The following ASTN2 variants were observed in gnomAD, a reference collection of about 807,000 sequenced individuals.
ASTN2 encodes the protein astrotactin-2.
ASTN2 carries 54 observed loss-of-function variants against 139.8 expected under a neutral mutation model. The ratio of observed to expected loss-of-function variants is 0.39; its 90% CI spans 0.31 to 0.48. The LOEUF is 0.48. Among genes scored for constraint, ASTN2 ranks in the 20% least tolerant of loss-of-function variants. The pLI, the probability that ASTN2 is intolerant of heterozygous loss-of-function variation, is 0.95. For synonymous variants in ASTN2, 756 were observed against 719.5 expected, an observed-to-expected ratio of 1.05 and a Z score of -0.81; for missense variants, 1,565 against 1,725.1, an observed-to-expected ratio of 0.91 and a Z score of 1.64.
At chr9:117,127,382 T>TA (rs1829715370) in intron 4 of ASTN2, among the ~76,000 whole-genome samples, 1 of 152,176 alleles carries the variant, frequency 6.6e-6, no homozygotes, top group African/African-American at 2.4e-5. Flanking sequence ...GGTCAGGTGT[T>TA]ACAGCTGCTC....
chr9:117,017,139 T>C (rs573705679), intron 6 of ASTN2, among the ~76,000 whole-genome samples: 4 of 152,214 alleles, frequency 2.6e-5, no homozygotes, highest in African/African-American at 9.6e-5. Context: ...AACTAGGCAA[T>C]GGGAAAAGAA....
intron 11 of ASTN2, among the ~76,000 whole-genome samples, chr9:116,851,329 G>A (rs1340678404): frequency 6.6e-6 from 1 of 152,148 alleles, no homozygotes; most frequent in Non-Finnish European, 1.5e-5. Flanking sequence ...GTGTGTTGGG[G>A]GAGGGCTTAT....
At chr9:116,737,982 G>C (rs954698929) in intron 13 of ASTN2, among the ~76,000 whole-genome samples, 1 of 150,244 alleles carries the variant, frequency 6.7e-6, no homozygotes, top group East Asian at 2.0e-4. Flanking sequence ...CACGAGGTCA[G>C]GAGATCGAGA....
intron 15 of ASTN2, 55 bp downstream of exon 15, chr9:116,728,937 G>A: frequency 6.9e-7 from 1 of 1,450,290 alleles, no homozygotes. Flanking sequence ...TAGGTCCTTG[G>A]CAACAAGTGC....
chr9:116,670,025 A>T (rs185514873), intron 16 of ASTN2, among the ~76,000 whole-genome samples: 27 of 152,156 alleles, frequency 1.8e-4, no homozygotes, highest in Middle Eastern at 3.4e-3. Context: ...GGCTGCTCTC[A>T]AACTCCTGAC....
chr9:116,439,831 CT>C (rs534817372), intron 22 of ASTN2, among the ~76,000 whole-genome samples: 119 of 152,302 alleles, frequency 7.8e-4, no homozygotes, highest in African/African-American at 2.8e-3. Context: ...TGTTCTTCTG[CT>C]ATCATGACGC....
intron 3 of ASTN2, among the ~76,000 whole-genome samples, chr9:117,147,900 A>G (rs1467138628): frequency 1.3e-5 from 2 of 152,118 alleles, no homozygotes; most frequent in African/African-American, 4.8e-5. Flanking sequence ...GGGTATGTTA[A>G]TCTTGGAGTT....
At chr9:116,558,109 G>A (rs1852725920) in intron 19 of ASTN2, among the ~76,000 whole-genome samples, 1 of 152,146 alleles carries the variant, frequency 6.6e-6, no homozygotes, top group Non-Finnish European at 1.5e-5. Context: ...TGAGATGAAG[G>A]GCAGAGTCCC....
At chr9:117,069,033 T>C (rs1197247696) in intron 5 of ASTN2, among the ~76,000 whole-genome samples, 1 of 105,094 alleles carries the variant, frequency 9.5e-6, no homozygotes, top group Non-Finnish European at 2.0e-5. Context: ...ATTTTAGTTA[T>C]TTCTTGCCTT....
chr9:116,805,342 C>T (rs1407251945), intron 13 of ASTN2, among the ~76,000 whole-genome samples: 1 of 151,936 alleles, frequency 6.6e-6, no homozygotes, highest in Admixed American at 6.6e-5. Context: ...TAATGTTTTT[C>T]AAAATGCCAT....
chr9:117,391,409 C>G (rs1463033731), intron 1 of ASTN2, among the ~76,000 whole-genome samples: 1 of 152,180 alleles, frequency 6.6e-6, no homozygotes, highest in Non-Finnish European at 1.5e-5. Flanking sequence ...GAGCAAGTCA[C>G]ATCTTATGTG....
At chr9:116,762,391 T>C (rs758330171) in intron 13 of ASTN2, among the ~76,000 whole-genome samples, 5 of 152,130 alleles carry the variant, frequency 3.3e-5, no homozygotes, top group Admixed American at 6.5e-5. Context: ...GAGAACTAAT[T>C]TGGATAATTG....
chr9:117,294,666 A>G (rs551834334), intron 1 of ASTN2, among the ~76,000 whole-genome samples: 1 of 152,314 alleles, frequency 6.6e-6, no homozygotes, highest in East Asian at 1.9e-4. Flanking sequence ...CTCCTTGCCC[A>G]TGTTACTGTC....
intron 2 of ASTN2, chr9:117,276,842 T>C (rs967808251): frequency 2.6e-5 from 4 of 152,218 alleles, no homozygotes; most frequent in African/African-American, 9.6e-5. Flanking sequence ...GCCATTTCAC[T>C]TGATGTACCA....
chr9:116,616,314 T>A lies in ASTN2; in HGVS notation c.3355+2010A>T, dbSNP rs899251032. Among the ~76,000 whole-genome samples the A allele has an allele frequency of 5.9e-5, 9 of 152,304 alleles. No individual in the cohort carries two copies. In the East Asian group the frequency reaches 1.7e-3, roughly 29 times the overall value. Reference sequence around the variant, plus strand: ...AGAAGAGGTACTCCAAGGCAAGGAATGGAGTATGCCAAATAAACAGTAGAG... The same window carrying A: ...AGAAGAGGTACTCCAAGGCAAGGAAAGGAGTATGCCAAATAAACAGTAGAG... On this transcript the variant is annotated intron_variant, in intron 19 of 22. Coordinates refer to ENST00000313400, the MANE Select transcript of ASTN2 (RefSeq NM_001365068.1).
intron 10 of ASTN2, among the ~76,000 whole-genome samples, chr9:116,970,951 C>G (rs548129361): frequency 8.5e-4 from 129 of 152,124 alleles, no homozygotes; most frequent in Non-Finnish European, 1.7e-3. Flanking sequence ...GCCCAGTATG[C>G]AGTAATAAGT....
intron 17 of ASTN2, among the ~76,000 whole-genome samples, chr9:116,629,218 C>T (rs1337512440): frequency 2.0e-5 from 3 of 151,022 alleles, no homozygotes; most frequent in East Asian, 3.9e-4. Context: ...CCCGGGTTCA[C>T]GCCATTCTCC....
chr9:116,474,506 A>G (rs1848916541), intron 20 of ASTN2, among the ~76,000 whole-genome samples: 2 of 152,178 alleles, frequency 1.3e-5, no homozygotes. Context: ...CTCTCTACAC[A>G]TCATTAATGG....
intron 3 of ASTN2, among the ~76,000 whole-genome samples, chr9:117,174,571 CTCA>C (rs573667488): frequency 6.6e-5 from 10 of 151,788 alleles, no homozygotes; most frequent in Non-Finnish European, 1.5e-4. Context: ...CTGTGTAAAC[CTCA>C]TGTTTTATGA....
Sources: allele counts gnomAD v4.1 joint callset (sites outside exome capture counted in the v4.1 genomes callset), GRCh38; gene constraint gnomAD v4.1.1; transcripts MANE v1.5; gene names NCBI Gene and HGNC (gene_info 2026-07-23, HGNC 2026-07-21).